Variants in CDK14 observed in about 807,000 individuals in gnomAD.
The protein encoded by CDK14 is cyclin-dependent kinase 14.
Under a neutral mutation model 60.7 loss-of-function variants are expected in CDK14, and 34 were observed. That is an observed-to-expected ratio of 0.56 (90% CI 0.43 to 0.75). The LOEUF (loss-of-function observed/expected upper bound fraction) is 0.75, where lower values mean the gene tolerates loss of function less well. Ranked by LOEUF, CDK14 falls within the 30% of genes least tolerant of loss-of-function variation. CDK14 has a pLI of 0.00. For missense variants in CDK14, 482 were observed against 564.1 expected (o/e 0.85, Z 1.47); for synonymous variants, 197 against 203.7 (o/e 0.97, Z 0.28).
At chr7:90,856,499 C>T (rs903777397) in intron 5 of CDK14, among the ~76,000 whole-genome samples, 20 of 152,102 alleles carry the variant, frequency 1.3e-4, no homozygotes, top group African/African-American at 4.8e-4. Flanking sequence ...AGTGTTTAGG[C>T]CAAGCAGGCA....
At chr7:90,677,719 C>A (rs1223694094) in intron 2 of CDK14, among the ~76,000 whole-genome samples, 1 of 152,054 alleles carries the variant, frequency 6.6e-6, no homozygotes, top group Non-Finnish European at 1.5e-5. Flanking sequence ...ATAATTAAGC[C>A]TCTCTTCTCT....
intron 5 of CDK14, among the ~76,000 whole-genome samples, chr7:90,811,389 G>A (rs1406256033): frequency 6.6e-6 from 1 of 151,978 alleles, no homozygotes. Context: ...TTTAATAAAT[G>A]GTGCTGGGAA....
At chr7:90,936,933 G>T (rs1793772920) in intron 8 of CDK14, among the ~76,000 whole-genome samples, 1 of 151,800 alleles carries the variant, frequency 6.6e-6, no homozygotes. Flanking sequence ...TTTTTAATTA[G>T]ATGGGCGTGG....
chr7:90,845,956 G>C (rs1790457417), intron 5 of CDK14, among the ~76,000 whole-genome samples: 1 of 151,992 alleles, frequency 6.6e-6, no homozygotes, highest in Non-Finnish European at 1.5e-5. Context: ...TATTCCTGCT[G>C]GATGAACCTT....
intron 3 of CDK14, among the ~76,000 whole-genome samples, chr7:90,736,007 G>A (rs1803085300): frequency 1.3e-5 from 2 of 152,192 alleles, no homozygotes; most frequent in Admixed American, 6.5e-5. Context: ...TGTGGTAAAA[G>A]CACAGTATCT....
At chr7:90,993,808 G>C (rs802412) in intron 10 of CDK14, among the ~76,000 whole-genome samples, 150,047 of 152,316 alleles carry the variant, frequency 0.99, 73,946 homozygotes, top group East Asian at 1. Flanking sequence ...TTCCCAATTT[G>C]TGATTTGTGA....
chr7:90,627,394 T>G (rs1799899230), intron 2 of CDK14, among the ~76,000 whole-genome samples: 1 of 152,116 alleles, frequency 6.6e-6, no homozygotes, highest in African/African-American at 2.4e-5. Flanking sequence ...AAATTTTTTG[T>G]AGAGACAGAG....
intron 6 of CDK14, among the ~76,000 whole-genome samples, chr7:90,888,954 C>G (rs571377678): frequency 6.6e-6 from 1 of 152,310 alleles, no homozygotes; most frequent in South Asian, 2.1e-4. Flanking sequence ...ACTGCTTAAC[C>G]CTTTCCTCCA....
intron 2 of CDK14, among the ~76,000 whole-genome samples, chr7:90,657,686 A>C (rs1800779212): frequency 6.6e-6 from 1 of 152,244 alleles, no homozygotes; most frequent in Non-Finnish European, 1.5e-5. Context: ...TCTATTGGAC[A>C]GCACAGCTCA....
chr7:91,136,614 C>T (rs1290862993), intron 14 of CDK14, among the ~76,000 whole-genome samples: 1 of 151,978 alleles, frequency 6.6e-6, no homozygotes, highest in African/African-American at 2.4e-5. Flanking sequence ...GTAATGGATC[C>T]TGTAGGATAT....
At chr7:90,758,980 C>T (rs993218710) in intron 4 of CDK14, among the ~76,000 whole-genome samples, 2 of 149,948 alleles carry the variant, frequency 1.3e-5, no homozygotes, top group African/African-American at 2.5e-5. Context: ...CACTCAAACC[C>T]GGGAGGCAGA....
chr7:90,935,311 T>G (rs992814393), intron 8 of CDK14, among the ~76,000 whole-genome samples: 5 of 152,206 alleles, frequency 3.3e-5, no homozygotes, highest in Admixed American at 6.5e-5. Context: ...AATTTGAGAA[T>G]TGATAAACAT....
At chr7:90,935,009 T>A (rs1295329499) in intron 8 of CDK14, among the ~76,000 whole-genome samples, 3 of 152,230 alleles carry the variant, frequency 2.0e-5, no homozygotes, top group Non-Finnish European at 4.4e-5. Flanking sequence ...AGAAATTTAT[T>A]TCCTCAATCC....
At chr7:90,836,998 A>G (rs1206670349) in intron 5 of CDK14, among the ~76,000 whole-genome samples, 1 of 152,222 alleles carries the variant, frequency 6.6e-6, no homozygotes, top group Non-Finnish European at 1.5e-5. Context: ...TTGAAATACA[A>G]GTTAAGCAGC....
At chr7:91,173,998 G>A (rs1801628342) in intron 14 of CDK14, among the ~76,000 whole-genome samples, 1 of 152,142 alleles carries the variant, frequency 6.6e-6, no homozygotes, top group Non-Finnish European at 1.5e-5. Flanking sequence ...TCCACCTCTG[G>A]GGGCAGGGCA....
At chr7:90,736,163 C>A (rs897413695) in intron 3 of CDK14, among the ~76,000 whole-genome samples, 2 of 152,026 alleles carry the variant, frequency 1.3e-5, no homozygotes, top group Non-Finnish European at 2.9e-5. Flanking sequence ...AACTGTCCAA[C>A]CAGTCCCAGT....
intron 4 of CDK14, among the ~76,000 whole-genome samples, chr7:90,757,148 GGC>G (rs1384795706): frequency 1.1e-4 from 16 of 151,036 alleles, no homozygotes; most frequent in Non-Finnish European, 1.5e-5. Context: ...GGCAATTTTG[GGC>G]ATTCCTGGCT....
intron 14 of CDK14, among the ~76,000 whole-genome samples, chr7:91,137,895 C>G (rs1346218954): frequency 6.6e-6 from 1 of 152,152 alleles, no homozygotes; most frequent in African/African-American, 2.4e-5. Context: ...CTTCAATACT[C>G]TCCAGATAAT....
intron 11 of CDK14, among the ~76,000 whole-genome samples, chr7:91,069,461 A>G (rs1277833275): frequency 6.6e-6 from 1 of 152,122 alleles, no homozygotes; most frequent in Non-Finnish European, 1.5e-5. Context: ...GGATCCCTTG[A>G]GCCCAAGAAT....
Sources: allele counts gnomAD v4.1 joint callset (sites outside exome capture counted in the v4.1 genomes callset), GRCh38; gene constraint gnomAD v4.1.1; transcripts MANE v1.5; gene names NCBI Gene and HGNC (gene_info 2026-07-23, HGNC 2026-07-21).